TANC1: variants seen among roughly 807,000 people sequenced by gnomAD.
TANC1 encodes the protein protein TANC1.
In TANC1, 77 loss-of-function variants were observed where a neutral mutation model predicts 149.7. The ratio of observed to expected loss-of-function variants is 0.51; its 90% CI spans 0.43 to 0.62. The LOEUF (loss-of-function observed/expected upper bound fraction) is 0.62, where lower values mean the gene tolerates loss of function less well. TANC1 is among the 20% of genes least tolerant of loss of function. The probability of loss-of-function intolerance (pLI) is 0.00; values close to 1 mark genes in which losing one functional copy is unlikely to be tolerated. For synonymous variants in TANC1, 854 were observed against 925.0 expected, an observed-to-expected ratio of 0.92 and a Z score of 1.39; for missense variants, 1,985 against 2,321.8, an observed-to-expected ratio of 0.85 and a Z score of 2.98.
At chr2:159,133,646 G>GAT (rs61541646) in intron 4 of TANC1, among the ~76,000 whole-genome samples, 34,959 of 151,674 alleles carry the variant, frequency 0.23, 4,232 homozygotes, top group East Asian at 0.42. Context: ...TTTATGTGTG[G>GAT]ATATATATAT....
intron 16 of TANC1, among the ~76,000 whole-genome samples, chr2:159,188,171 C>T (rs1160569526): frequency 6.6e-6 from 1 of 152,104 alleles, no homozygotes; most frequent in African/African-American, 2.4e-5. Context: ...TTTTATCTTT[C>T]AAGGGGGGAA....
intron 4 of TANC1, among the ~76,000 whole-genome samples, chr2:159,119,654 A>G (rs933624887): frequency 2.0e-5 from 3 of 152,116 alleles, no homozygotes; most frequent in African/African-American, 7.2e-5. Flanking sequence ...CACTGATAGG[A>G]AGTCAGATGC....
intron 5 of TANC1, among the ~76,000 whole-genome samples, chr2:159,140,037 A>AT (rs1318192685): frequency 1.3e-5 from 2 of 152,146 alleles, no homozygotes; most frequent in African/African-American, 4.8e-5. Context: ...AGCCTGGACA[A>AT]TGTAGCAAGG....
rs943863963 is a variant in TANC1 at position 159,229,642 on chromosome 2, G to C, written c.4216G>C (p.Val1406Leu). The C allele has an allele frequency of 3.7e-6, 6 of 1,613,932 alleles. No homozygotes were observed. The Admixed American group carries it at 8.3e-5, about 22-fold the overall frequency. The change falls in exon 27 of 27, where the codon GTC (valine) becomes CTC (leucine). Residue 1406 changes from valine to leucine, a missense_variant. Coordinates refer to ENST00000263635, the MANE Select transcript of TANC1 (RefSeq NM_033394.3). Reference protein sequence around the residue: ...AVKLCPTNQEVKRLLARVEEE... With the variant: ...AVKLCPTNQELKRLLARVEEE... ...GAAACTCTGTCCCACCAATCAGGAA[G>C]TCAAGAGGCTTCTGGCCCGCGTAGA...
rs528898601 is a variant in TANC1 at position 159,193,589 on chromosome 2, A to G, written c.2743-668A>G. The stretch of plus-strand genomic sequence containing the variant: ...CGCCAGGCTGGAGTGCAGTGGTGCA[A>G]TCTCAGCTCACTGCAACCTCCACCT... On this transcript the variant is annotated intron_variant, in intron 16 of 26. Transcript: ENST00000263635. 3.3e-5 allele frequency among the ~76,000 whole-genome samples: 5 copies of G among 152,152 alleles called. No homozygotes were observed. In the South Asian group the frequency reaches 1.0e-3, roughly 32 times the overall value.
intron 2 of TANC1, among the ~76,000 whole-genome samples, chr2:159,051,411 A>G (rs1242147088): frequency 3.3e-5 from 5 of 152,256 alleles, no homozygotes. Context: ...TCATACTAAG[A>G]GAAATGATGA....
At chr2:159,185,641 G>A (rs2056901409) in intron 14 of TANC1, 150 bp from the exon 15 acceptor site, 1 of 605,962 alleles carries the variant, frequency 1.7e-6, no homozygotes, top group Admixed American at 2.9e-5. Context: ...TAGGCATTAT[G>A]ACTCAGATGA....
At chr2:159,018,212 G>A (rs369346459) in intron 2 of TANC1, among the ~76,000 whole-genome samples, 1 of 152,148 alleles carries the variant, frequency 6.6e-6, no homozygotes, top group East Asian at 1.9e-4. Context: ...GGTATTAAAA[G>A]CCTATCCCTC....
intron 4 of TANC1, among the ~76,000 whole-genome samples, chr2:159,110,363 G>T (rs536506343): frequency 6.6e-6 from 1 of 152,346 alleles, no homozygotes; most frequent in African/African-American, 2.4e-5. Context: ...CTGCTGTACA[G>T]TGAGTAGGCA....
At chr2:159,075,913 G>A (rs896857619) in intron 3 of TANC1, among the ~76,000 whole-genome samples, 2 of 152,162 alleles carry the variant, frequency 1.3e-5, no homozygotes, top group African/African-American at 4.8e-5. Flanking sequence ...GCTCATGTTG[G>A]TTGCCACCTG....
At chr2:159,044,352 C>T (rs530789329) in intron 2 of TANC1, among the ~76,000 whole-genome samples, 9 of 151,880 alleles carry the variant, frequency 5.9e-5, no homozygotes, top group Non-Finnish European at 8.8e-5. Context: ...GTGGGAGGAT[C>T]GCTTGAGCCC....
rs949006425 is a variant in TANC1 at position 159,219,965 on chromosome 2, G to T, written c.3678+98G>T. 1.8e-5 allele frequency: 20 copies of T among 1,124,640 alleles called. 2 individuals are homozygous for T. In the South Asian group the frequency reaches 2.7e-4, roughly 15 times the overall value. The allele number at this position is 1,124,640 out of a possible 1,614,324, so 69.7% of individuals were successfully genotyped here. A position where few individuals can be genotyped will look rare whatever the true frequency, so the allele number is the denominator to read the frequency against. ...AGGGCCTGCATGAGGTTGTGTCTCA[G>T]TGTCATCAGAGAGTGTGTGTGTGTG... is the stretch of plus-strand genomic sequence containing the variant. On this transcript the variant is annotated intron_variant, in intron 22 of 26. Transcript: ENST00000263635.
chr2:159,092,485 T>C (rs1027880753), intron 3 of TANC1, among the ~76,000 whole-genome samples: 12 of 152,208 alleles, frequency 7.9e-5, no homozygotes, highest in Non-Finnish European at 1.8e-4. Context: ...GTAAAAACAT[T>C]TTAAAATAAA....
At chr2:159,006,313 AAAG>A (rs1408607149) in intron 2 of TANC1, among the ~76,000 whole-genome samples, 4 of 151,618 alleles carry the variant, frequency 2.6e-5, no homozygotes, top group Non-Finnish European at 5.9e-5. Context: ...AAAAAAAAAA[AAAG>A]AATGTCACAT....
chr2:159,150,460 A>T lies in TANC1; in HGVS notation c.586A>T (p.Asn196Tyr), dbSNP rs1463237909. Reference sequence around the variant, plus strand: ...CACCGATAGCCCCTGCTCAACCTTGAATAGCTGTGTCAGCAAGACGGCAGC... The same window carrying T: ...CACCGATAGCCCCTGCTCAACCTTGTATAGCTGTGTCAGCAAGACGGCAGC... ...PSTDSPCSTL[N>Y]SCVSKTAANK... The change falls in exon 7 of 27, where the codon AAT becomes TAT. Residue 196 changes from asparagine (N) to tyrosine (Y), a missense_variant. Transcript: ENST00000263635. The T allele has an allele frequency of 6.2e-7, 1 of 1,614,190 alleles. No individual in the cohort carries two copies. The highest frequency in any genetic ancestry group is 8.5e-7 in the Non-Finnish European group (1 of 1,180,034).
chr2:159,205,290 G>A (rs1290736028), intron 19 of TANC1, among the ~76,000 whole-genome samples: 4 of 152,194 alleles, frequency 2.6e-5, no homozygotes, highest in Non-Finnish European at 4.4e-5. Flanking sequence ...CCTAATTACT[G>A]TTGGTGTAAA....
Position 159,227,925 on chromosome 2 carries a change from C to T in TANC1, c.4010C>T (p.Ser1337Phe), listed in dbSNP as rs1179296506. Residue 1337 changes from serine (S) to phenylalanine (F), a missense_variant, in exon 25 of 27, where the codon TCC becomes TTC. Around this residue, in one of 3 missense-constraint regions of TANC1, gnomAD observed 920 missense variants for 994.7 expected, o/e 0.92. Coordinates refer to ENST00000263635, the MANE Select transcript of TANC1 (RefSeq NM_033394.3). ...AGACCCTTCAATGAATTAAGGGTTT[C>T]CCTCTATCTCAATTTGTCGCGATGC... ...DMRPFNELRV[S>F]LYLNLSRCRR... 3 of 1,589,580 alleles carry T rather than the reference C, an allele frequency of 1.9e-6. No individual in the cohort carries two copies. Among genetic ancestry groups the T allele is most frequent in the Non-Finnish European group, 2.6e-6 (3 of 1,158,698 alleles).
At chr2:159,168,219 A>G (rs1484195125) in intron 8 of TANC1, among the ~76,000 whole-genome samples, 1 of 151,692 alleles carries the variant, frequency 6.6e-6, no homozygotes, top group East Asian at 1.9e-4. Context: ...TGCTTCTAAG[A>G]TTTCTTGAGA....
chr2:159,202,387 A>C (rs1225671585), intron 19 of TANC1, among the ~76,000 whole-genome samples: 1 of 152,236 alleles, frequency 6.6e-6, no homozygotes, highest in Non-Finnish European at 1.5e-5. Context: ...GGTTTATTGC[A>C]ATCAACCCAC....
Sources: gnomAD v4.1 joint callset for allele counts (sites outside exome capture counted in the v4.1 genomes callset) on GRCh38, gnomAD v4.1.1 for gene constraint, gnomAD v4.1.1 regional missense constraint, MANE v1.5 for transcripts, NCBI Gene and HGNC (gene_info 2026-07-23, HGNC 2026-07-21) for gene names.